STAU2: variants seen among roughly 807,000 people sequenced by gnomAD.
STAU2 encodes double-stranded RNA-binding protein Staufen homolog 2.
STAU2 carries 20 observed loss-of-function variants against 65.9 expected under a neutral mutation model. The observed-to-expected ratio is 0.30, with a 90% CI of 0.21 to 0.44. The LOEUF (loss-of-function observed/expected upper bound fraction) is 0.44, where lower values mean the gene tolerates loss of function less well. Among genes scored for constraint, STAU2 ranks in the 20% least tolerant of loss-of-function variants. STAU2 has a pLI of 1.00. For synonymous variants in STAU2, 232 were observed against 233.9 expected (o/e 0.99, Z 0.07); for missense variants, 558 against 683.9 (o/e 0.82, Z 2.05).
rs1296346763 is a variant in STAU2, at chr8:73,577,456, T to TATAG, written c.1222+5313_1222+5314insCTAT. On this transcript the variant is annotated intron_variant, in intron 12 of 14. Transcript: ENST00000524300. ...AAAAAAAAAATTATATATATATATA[T>TATAG]ACACACACATATATATAATATTTAT... 2.9e-4 allele frequency among the ~76,000 whole-genome samples: 44 copies of TATAG among 150,390 alleles called. No homozygotes were observed. The South Asian group carries it at 8.5e-3, about 29-fold the overall frequency.
intron 11 of STAU2, among the ~76,000 whole-genome samples, chr8:73,584,013 C>A (rs1810186797): frequency 6.6e-6 from 1 of 152,008 alleles, no homozygotes; most frequent in Non-Finnish European, 1.5e-5. Flanking sequence ...AATAGTTTAC[C>A]CATGTTCATT....
intron 6 of STAU2, among the ~76,000 whole-genome samples, chr8:73,668,578 A>G (rs1817409468): frequency 6.6e-6 from 1 of 152,222 alleles, no homozygotes; most frequent in Admixed American, 6.5e-5. Flanking sequence ...GGGAGAACAA[A>G]AGCACGAAGT....
intron 13 of STAU2, among the ~76,000 whole-genome samples, chr8:73,491,444 T>A (rs749090381): frequency 8.6e-5 from 13 of 151,980 alleles, no homozygotes; most frequent in Non-Finnish European, 1.5e-4. Context: ...AGGCACACAG[T>A]CTATTTCCCC....
chr8:73,588,545 T>C (rs1810541755), intron 11 of STAU2, among the ~76,000 whole-genome samples: 1 of 152,162 alleles, frequency 6.6e-6, no homozygotes, highest in African/African-American at 2.4e-5. Flanking sequence ...GCCACTTCTC[T>C]AGGCCATTCT....
At chr8:73,478,543 G>A (rs1820440331) in intron 13 of STAU2, among the ~76,000 whole-genome samples, 1 of 151,892 alleles carries the variant, frequency 6.6e-6, no homozygotes, top group Non-Finnish European at 1.5e-5. Context: ...ATGCAGCAAT[G>A]CAAACTATTT....
intron 3 of STAU2, among the ~76,000 whole-genome samples, chr8:73,710,248 T>A (rs1338022902): frequency 1.3e-5 from 2 of 151,980 alleles, no homozygotes; most frequent in Non-Finnish European, 2.9e-5. Flanking sequence ...CACTACTATT[T>A]TATGTTTGTT....
At chr8:73,431,613 A>AG (rs1330408387) in intron 13 of STAU2, among the ~76,000 whole-genome samples, 2 of 152,256 alleles carry the variant, frequency 1.3e-5, no homozygotes, top group African/African-American at 4.8e-5. Context: ...TTTTGTGAGT[A>AG]AAGCCCCACA....
chr8:73,521,789 T>A (rs1416465840), intron 13 of STAU2, among the ~76,000 whole-genome samples: 1 of 152,228 alleles, frequency 6.6e-6, no homozygotes, highest in Non-Finnish European at 1.5e-5. Flanking sequence ...TTAGGTGCAT[T>A]AAATCCATTT....
At chr8:73,565,629 T>C (rs544202243) in intron 12 of STAU2, among the ~76,000 whole-genome samples, 195 of 152,314 alleles carry the variant, frequency 1.3e-3, no homozygotes, top group African/African-American at 4.6e-3. Context: ...TTTGCAAACA[T>C]TTATACTTTG....
chr8:73,527,308 A>G (rs1299473559), intron 13 of STAU2: 1 of 168,556 alleles, frequency 5.9e-6, no homozygotes, highest in Non-Finnish European at 1.3e-5. Context: ...TGTACATTCT[A>G]TAATACAAAA....
At chr8:73,624,619 G>A (rs1480205738) in intron 6 of STAU2, among the ~76,000 whole-genome samples, 2 of 152,112 alleles carry the variant, frequency 1.3e-5, no homozygotes, top group Non-Finnish European at 1.5e-5. Flanking sequence ...AGGGCCACCC[G>A]ACTTGAGCTC....
chr8:73,575,013 A>G (rs28839602), intron 12 of STAU2, among the ~76,000 whole-genome samples: 104,614 of 150,714 alleles, frequency 0.69, 37,276 homozygotes, highest in Non-Finnish European at 0.79. Context: ...TATAAAAGAA[A>G]AGACTATTTT....
At chr8:73,552,399 T>C in intron 12 of STAU2, 80 bp from the exon 13 acceptor site, 3 of 1,272,278 alleles carry the variant, frequency 2.4e-6, no homozygotes, top group East Asian at 2.5e-5. Flanking sequence ...TCAATGGCTT[T>C]ACTTGGTGTA....
intron 13 of STAU2, among the ~76,000 whole-genome samples, chr8:73,464,070 T>C (rs1386342484): frequency 6.6e-6 from 1 of 152,204 alleles, no homozygotes; most frequent in Non-Finnish European, 1.5e-5. Flanking sequence ...CAGTTTACAA[T>C]GGGCCTGATA....
intron 10 of STAU2, among the ~76,000 whole-genome samples, chr8:73,596,109 T>C (rs1811165037): frequency 6.8e-6 from 1 of 147,554 alleles, no homozygotes; most frequent in Non-Finnish European, 1.5e-5. Context: ...CAATACTCCA[T>C]CTTTAAAAAA....
intron 6 of STAU2, chr8:73,651,601 G>C (rs1815883737): frequency 1.6e-5 from 11 of 687,790 alleles, no homozygotes; most frequent in East Asian, 3.2e-5. Flanking sequence ...CTCTGATGCT[G>C]TCCCCTGGCT....
At chr8:73,505,983 T>TG (rs1333426996) in intron 13 of STAU2, among the ~76,000 whole-genome samples, 2 of 152,108 alleles carry the variant, frequency 1.3e-5, no homozygotes, top group Non-Finnish European at 2.9e-5. Flanking sequence ...GTGACACGCC[T>TG]GCTCCCACTT....
intron 13 of STAU2, among the ~76,000 whole-genome samples, chr8:73,467,720 C>T (rs552028280): frequency 3.3e-5 from 5 of 152,234 alleles, no homozygotes; most frequent in African/African-American, 1.2e-4. Flanking sequence ...CTCTATTCTC[C>T]AGGCTAAACA....
At chr8:73,696,160 C>T (rs900558094) in intron 4 of STAU2, among the ~76,000 whole-genome samples, 2 of 152,186 alleles carry the variant, frequency 1.3e-5, no homozygotes, top group African/African-American at 4.8e-5. Flanking sequence ...GGATCTTATC[C>T]AAGGCTGCCA....
Sources: gnomAD v4.1 joint callset for allele counts (sites outside exome capture counted in the v4.1 genomes callset) on GRCh38, gnomAD v4.1.1 for gene constraint, MANE v1.5 for transcripts, NCBI Gene and HGNC (gene_info 2026-07-23, HGNC 2026-07-21) for gene names.